Variants in ITPR1 observed in about 807,000 individuals in gnomAD.
ITPR1 encodes inositol 1,4,5-trisphosphate receptor type 1.
A neutral mutation model predicts 318.4 loss-of-function variants in ITPR1; 96 were observed. That is an observed-to-expected ratio of 0.30 (90% CI 0.26 to 0.36). ITPR1 has a LOEUF of 0.36. Among genes scored for constraint, ITPR1 ranks in the 10% least tolerant of loss-of-function variants. ITPR1 has a pLI of 1.00. For synonymous variants in ITPR1, 1,312 were observed against 1,289.9 expected, an observed-to-expected ratio of 1.02 and a Z score of -0.37; for missense variants, 2,440 against 3,460.2, an observed-to-expected ratio of 0.71 and a Z score of 7.40.
intron 4 of ITPR1, among the ~76,000 whole-genome samples, chr3:4,557,404 A>G (rs1288154703): frequency 6.6e-6 from 1 of 152,186 alleles, no homozygotes; most frequent in African/African-American, 2.4e-5. Flanking sequence ...CCCTCCCATG[A>G]CAAGTGGGAG....
intron 44 of ITPR1, among the ~76,000 whole-genome samples, chr3:4,739,495 C>G (rs574384493): frequency 2.0e-5 from 3 of 152,188 alleles, no homozygotes; most frequent in Non-Finnish European, 4.4e-5. Flanking sequence ...GGTTCTGCAT[C>G]TGTGGATTCA....
At chr3:4,569,297 C>A (rs2087732203) in intron 4 of ITPR1, among the ~76,000 whole-genome samples, 2 of 152,022 alleles carry the variant, frequency 1.3e-5, no homozygotes, top group South Asian at 4.2e-4. Context: ...AGATGTGTTT[C>A]CTTATATTTG....
intron 45 of ITPR1, among the ~76,000 whole-genome samples, chr3:4,767,818 A>G (rs562809698): frequency 6.3e-4 from 96 of 152,292 alleles, no homozygotes; most frequent in African/African-American, 2.3e-3. Context: ...GGACTGTTCA[A>G]AGTTCTTTAC....
chr3:4,538,729 A>G (rs138813552), intron 4 of ITPR1, among the ~76,000 whole-genome samples: 30 of 152,342 alleles, frequency 2.0e-4, no homozygotes, highest in Admixed American at 3.9e-4. Context: ...AAAAGGAACA[A>G]GATCATGTCC....
At chr3:4,551,938 A>G (rs2085609269) in intron 4 of ITPR1, among the ~76,000 whole-genome samples, 1 of 152,220 alleles carries the variant, frequency 6.6e-6, no homozygotes, top group South Asian at 2.1e-4. Flanking sequence ...TCTAACGAAC[A>G]TTTATTACAT....
chr3:4,528,930 G>A (rs1415767704), intron 4 of ITPR1, among the ~76,000 whole-genome samples: 2 of 152,200 alleles, frequency 1.3e-5, no homozygotes, highest in African/African-American at 4.8e-5. Flanking sequence ...GAACAAAACT[G>A]TAATTTAAGT....
At chr3:4,681,933 T>C (rs1413868103) in intron 26 of ITPR1, among the ~76,000 whole-genome samples, 1 of 152,166 alleles carries the variant, frequency 6.6e-6, no homozygotes, top group African/African-American at 2.4e-5. Context: ...ACCGCACTGG[T>C]CAATTTTGAC....
chr3:4,579,408 ATATAT>A (rs1344119712), intron 4 of ITPR1, among the ~76,000 whole-genome samples: 3 of 152,256 alleles, frequency 2.0e-5, no homozygotes, highest in Non-Finnish European at 2.9e-5. Context: ...TATGTATAAC[ATATAT>A]TATACAGCTT....
At position 4,800,576 on chromosome 3, in the gene ITPR1, G is replaced by A. The variant is rs755051492; in HGVS notation, c.7083G>A (p.Thr2361=). 3.7e-5 allele frequency: 60 copies of A among 1,614,020 alleles called. No individual in the cohort carries two copies. Among genetic ancestry groups the A allele is most frequent in the African/African-American group, 9.3e-5 (7 of 75,052 alleles). The part of the protein sequence containing the change: ...RLIFSVGLQP[T]LFLLGAFNVC... ...TATTTTCAGTCGGGTTACAACCCACGTTGTTTCTTCTGGGCGCTTTCAATG... is the reference window on the plus strand; with the variant it reads ...TATTTTCAGTCGGGTTACAACCCACATTGTTTCTTCTGGGCGCTTTCAATG... Residue 2361 remains threonine, a synonymous_variant, in exon 54 of 62, where the codon ACG becomes ACA. Coordinates refer to ENST00000649015, the MANE Select transcript of ITPR1 (RefSeq NM_001378452.1).
At chr3:4,572,198 C>G (rs2088081924) in intron 4 of ITPR1, among the ~76,000 whole-genome samples, 1 of 152,180 alleles carries the variant, frequency 6.6e-6, no homozygotes, top group Admixed American at 6.5e-5. Flanking sequence ...CCCTTGAACT[C>G]CAGACTCACA....
intron 37 of ITPR1, 77 bp downstream of exon 37, chr3:4,706,428 C>A: frequency 7.6e-7 from 1 of 1,315,834 alleles, no homozygotes; most frequent in Non-Finnish European, 1.0e-6. Context: ...CATCCTTGAG[C>A]CACAGAGCAT....
intron 4 of ITPR1, among the ~76,000 whole-genome samples, chr3:4,539,944 C>T (rs2084268441): frequency 7.2e-6 from 1 of 137,998 alleles, no homozygotes; most frequent in Non-Finnish European, 1.5e-5. Context: ...TACCCAGTTT[C>T]AGGTATTCTG....
chr3:4,683,934 A>G, intron 28 of ITPR1, 136 bp downstream of exon 28: 1 of 775,034 alleles, frequency 1.3e-6, no homozygotes. Context: ...CACCAAGATC[A>G]CAAGCTGTTT....
At chr3:4,727,081 T>C in intron 41 of ITPR1, 45 bp from the exon 42 acceptor site, 1 of 1,474,954 alleles carries the variant, frequency 6.8e-7, no homozygotes, top group Non-Finnish European at 9.4e-7. Flanking sequence ...GATGGTAGTG[T>C]CTCCTTAGTG....
chr3:4,503,447 G>T (rs1220340618), intron 2 of ITPR1, among the ~76,000 whole-genome samples: 1 of 152,158 alleles, frequency 6.6e-6, no homozygotes, highest in African/African-American at 2.4e-5. Context: ...TTGCTGCCGA[G>T]TTGTCTAAAA....
At chr3:4,604,945 A>G (rs918858367) in intron 4 of ITPR1, among the ~76,000 whole-genome samples, 2 of 152,098 alleles carry the variant, frequency 1.3e-5, no homozygotes, top group African/African-American at 4.8e-5. Flanking sequence ...AGAAGACATC[A>G]GACAAGCCCC....
intron 2 of ITPR1, among the ~76,000 whole-genome samples, chr3:4,505,031 T>A (rs1410097537): frequency 1.3e-5 from 2 of 152,038 alleles, no homozygotes; most frequent in Non-Finnish European, 2.9e-5. Flanking sequence ...CCTGCCCTGC[T>A]GGGTGCTGCT....
At chr3:4,496,331 G>GTA (rs1192394391) in intron 2 of ITPR1, among the ~76,000 whole-genome samples, 3 of 152,102 alleles carry the variant, frequency 2.0e-5, no homozygotes, top group Non-Finnish European at 4.4e-5. Context: ...GTGTGTGTGT[G>GTA]TGTGTATGCA....
intron 44 of ITPR1, among the ~76,000 whole-genome samples, chr3:4,765,799 T>C (rs1338570205): frequency 2.0e-5 from 3 of 152,172 alleles, no homozygotes; most frequent in African/African-American, 4.8e-5. Context: ...CCATCAACAG[T>C]GTATACTATT....
Sources: allele counts gnomAD v4.1 joint callset (sites outside exome capture counted in the v4.1 genomes callset), GRCh38; gene constraint gnomAD v4.1.1; transcripts MANE v1.5; gene names NCBI Gene and HGNC (gene_info 2026-07-23, HGNC 2026-07-21).